Variants in NLGN1 observed in about 807,000 individuals in gnomAD.
The protein encoded by NLGN1 is neuroligin 1, also known as neuroligin-1.
In NLGN1, 12 loss-of-function variants were observed where a neutral mutation model predicts 65.5. The observed-to-expected ratio is 0.18, with a 90% confidence interval of 0.12 to 0.30. The LOEUF (loss-of-function observed/expected upper bound fraction) is 0.30, where lower values mean the gene tolerates loss of function less well. Ranked by LOEUF, NLGN1 falls within the 10% of genes least tolerant of loss-of-function variation. The pLI is 1.00. For missense variants in NLGN1, 750 were observed against 1,007.1 expected, an observed-to-expected ratio of 0.74 and a Z score of 3.46; for synonymous variants, 350 against 359.5, an observed-to-expected ratio of 0.97 and a Z score of 0.30.
At chr3:174,123,282 T>A (rs1718165485) in intron 4 of NLGN1, among the ~76,000 whole-genome samples, 1 of 152,076 alleles carries the variant, frequency 6.6e-6, no homozygotes, top group Non-Finnish European at 1.5e-5. Flanking sequence ...AGCAGAACAT[T>A]GGGATTTGTT....
At chr3:174,122,017 A>G (rs930275703) in intron 4 of NLGN1, among the ~76,000 whole-genome samples, 1 of 152,190 alleles carries the variant, frequency 6.6e-6, no homozygotes, top group African/African-American at 2.4e-5. Flanking sequence ...ATATATGTGG[A>G]AAATTTTTCC....
At chr3:174,099,291 A>G (rs1389054573) in intron 4 of NLGN1, among the ~76,000 whole-genome samples, 1 of 150,878 alleles carries the variant, frequency 6.6e-6, no homozygotes, top group Non-Finnish European at 1.5e-5. Context: ...AGCATCGTGA[A>G]TGAATTATAA....
At chr3:174,028,189 T>C (rs1212465438) in intron 4 of NLGN1, among the ~76,000 whole-genome samples, 1 of 152,170 alleles carries the variant, frequency 6.6e-6, no homozygotes, top group African/African-American at 2.4e-5. Flanking sequence ...GGGGTGCTGC[T>C]GCAAAAATGT....
At chr3:174,165,951 C>A (rs1351629177) in intron 4 of NLGN1, among the ~76,000 whole-genome samples, 2 of 151,942 alleles carry the variant, frequency 1.3e-5, no homozygotes, top group Admixed American at 1.3e-4. Context: ...GAAATTTATC[C>A]ATTTCCTGTA....
At position 173,899,491 on chromosome 3, in the gene NLGN1, G is replaced by A. The variant is rs573529364; in HGVS notation, c.646+91659G>A. ...TCTAGCTAGATTAAACAAGGGCTTG[G>A]CAAACTATGACCAATAGGCCAAACC... On this transcript the variant is annotated intron_variant, in intron 4 of 6. Transcript: ENST00000457714. Among the ~76,000 whole-genome samples the A allele has an allele frequency of 3.3e-5, 5 of 152,142 alleles. No individual in the cohort carries two copies. In the South Asian group the frequency reaches 1.0e-3, roughly 32 times the overall value.
chr3:173,610,307 G>T (rs1340559952), intron 3 of NLGN1, among the ~76,000 whole-genome samples: 1 of 151,920 alleles, frequency 6.6e-6, no homozygotes, highest in Non-Finnish European at 1.5e-5. Context: ...GAAGGGTTAC[G>T]GGAGAAGCAG....
intron 3 of NLGN1, among the ~76,000 whole-genome samples, chr3:173,662,374 T>C (rs1400307999): frequency 6.6e-6 from 1 of 152,002 alleles, no homozygotes; most frequent in Non-Finnish European, 1.5e-5. Context: ...ATCTTAGTTT[T>C]CTCACCTAAG....
intron 4 of NLGN1, among the ~76,000 whole-genome samples, chr3:173,848,247 A>G (rs1402569114): frequency 1.3e-5 from 2 of 152,154 alleles, no homozygotes; most frequent in East Asian, 3.9e-4. Context: ...GTAAGCATGA[A>G]CTCAATAGTA....
At chr3:173,698,621 T>C (rs950318698) in intron 3 of NLGN1, among the ~76,000 whole-genome samples, 1 of 152,120 alleles carries the variant, frequency 6.6e-6, no homozygotes, top group South Asian at 2.1e-4. Context: ...AAAAAATTGG[T>C]TTTCAAAGAG....
intron 4 of NLGN1, among the ~76,000 whole-genome samples, chr3:173,907,746 G>A (rs1342935426): frequency 1.3e-5 from 2 of 151,890 alleles, no homozygotes; most frequent in Non-Finnish European, 2.9e-5. Context: ...CACCACCCCC[G>A]GCTAATTTTT....
At chr3:174,140,199 A>G (rs1379032009) in intron 4 of NLGN1, among the ~76,000 whole-genome samples, 1 of 152,062 alleles carries the variant, frequency 6.6e-6, no homozygotes, top group Non-Finnish European at 1.5e-5. Flanking sequence ...CATAGAGTTC[A>G]TCTGTGATTT....
At chr3:174,289,333 G>A (rs1307612259), downstream of NLGN1, among the ~76,000 whole-genome samples, 1 of 151,290 alleles carries the variant, frequency 6.6e-6, no homozygotes, top group Non-Finnish European at 1.5e-5. Flanking sequence ...TATTATATAT[G>A]AGTTACTGAG....
At chr3:173,943,010 A>G (rs2152312799) in intron 4 of NLGN1, among the ~76,000 whole-genome samples, 1 of 152,210 alleles carries the variant, frequency 6.6e-6, no homozygotes, top group South Asian at 2.1e-4. Context: ...GTATTGCTTG[A>G]GACCAGGAGT....
At chr3:174,165,632 C>T (rs9823205) in intron 4 of NLGN1, among the ~76,000 whole-genome samples, 118,983 of 152,008 alleles carry the variant, frequency 0.78, 46,827 homozygotes, top group African/African-American at 0.86. Context: ...ATGTCTATGC[C>T]TATCGGGGAT....
chr3:174,281,324 A>AT (rs768355412), exon 7 of NLGN1: 85 of 1,479,260 alleles, frequency 5.7e-5, no homozygotes, highest in African/African-American at 8.3e-5. Context: ...GAAACAAACT[A>AT]TTTTTTTTGA....
intron 2 of NLGN1, among the ~76,000 whole-genome samples, chr3:173,596,112 T>C (rs1749448710): frequency 6.6e-6 from 1 of 152,246 alleles, no homozygotes; most frequent in South Asian, 2.1e-4. Context: ...AAATATTTTG[T>C]TGGTAAATTT....
chr3:174,147,476 C>G (rs1028211992), intron 4 of NLGN1, among the ~76,000 whole-genome samples: 1 of 87,710 alleles, frequency 1.1e-5, no homozygotes, highest in Non-Finnish European at 2.1e-5. Context: ...TCTTTTTGCT[C>G]AGGCTGGAGT....
intron 4 of NLGN1, among the ~76,000 whole-genome samples, chr3:174,103,701 A>G (rs1259031706): frequency 6.6e-6 from 1 of 152,120 alleles, no homozygotes; most frequent in Non-Finnish European, 1.5e-5. Context: ...AAACATAAAG[A>G]TATTATTACC....
chr3:173,935,920 G>T (rs951931772), intron 4 of NLGN1, among the ~76,000 whole-genome samples: 4 of 151,926 alleles, frequency 2.6e-5, no homozygotes. Context: ...AAGACCTACT[G>T]CTCCCCATGG....
Sources: allele counts gnomAD v4.1 joint callset (sites outside exome capture counted in the v4.1 genomes callset), GRCh38; gene constraint gnomAD v4.1.1; transcripts MANE v1.5; gene names NCBI Gene and HGNC (gene_info 2026-07-23, HGNC 2026-07-21).